The following AK5 variants were observed in gnomAD, a reference collection of about 807,000 sequenced individuals.
AK5 encodes the protein adenylate kinase 5, also known as adenylate kinase isoenzyme 5.
A neutral mutation model predicts 69.5 loss-of-function variants in AK5; 27 were observed. The ratio of observed to expected loss-of-function variants is 0.39; its 90% CI spans 0.29 to 0.54. The LOEUF (loss-of-function observed/expected upper bound fraction) is 0.54, where lower values mean the gene tolerates loss of function less well. Ranked by LOEUF, AK5 falls within the 20% of genes least tolerant of loss-of-function variation. The probability of loss-of-function intolerance (pLI) is 0.71; values close to 1 mark genes in which losing one functional copy is unlikely to be tolerated. For synonymous variants in AK5, 260 were observed against 244.4 expected (o/e 1.06, Z -0.60); for missense variants, 531 against 700.4 (o/e 0.76, Z 2.73).
Position 77,508,837 on chromosome 1 carries a change from A to G in AK5, c.1148-9727A>G, listed in dbSNP as rs77603869. Reference sequence around the variant, plus strand: ...AACCAAGATCATGCCATTGCACTCCAGCCTTGGCGGCAGAGCGAGACTCCA... The same window carrying G: ...AACCAAGATCATGCCATTGCACTCCGGCCTTGGCGGCAGAGCGAGACTCCA... On this transcript the variant is annotated intron_variant, in intron 10 of 13. Coordinates refer to ENST00000354567, the MANE Select transcript of AK5 (RefSeq NM_174858.3). Among the ~76,000 whole-genome samples the G allele has an allele frequency of 3.9e-3, 594 of 150,482 alleles. 16 individuals are homozygous for G. The highest frequency in any genetic ancestry group is 0.027 in the East Asian group (136 of 5,058).
intron 10 of AK5, 90 bp from the exon 11 acceptor site, chr1:77,518,474 G>T (rs1319245460): frequency 2.2e-6 from 3 of 1,378,808 alleles, no homozygotes; most frequent in Non-Finnish European, 3.0e-6. Context: ...TTAGTGACTG[G>T]AACACTGAGG....
chr1:77,307,346 T>C (rs1279877339), intron 5 of AK5, among the ~76,000 whole-genome samples: 1 of 151,364 alleles, frequency 6.6e-6, no homozygotes, highest in East Asian at 1.9e-4. Flanking sequence ...CTTAATTTCT[T>C]GATTGACCCA....
At chr1:77,434,118 A>C (rs1378325510) in intron 8 of AK5, among the ~76,000 whole-genome samples, 1 of 108,012 alleles carries the variant, frequency 9.3e-6, no homozygotes. Context: ...ATAAATAAAT[A>C]AATAAATAAA....
At chr1:77,283,134 G>C (rs998887197) in intron 1 of AK5, 10 of 985,030 alleles carry the variant, frequency 1.0e-5, no homozygotes, top group Non-Finnish European at 1.2e-5. Flanking sequence ...ACCCGGGAAT[G>C]GGGGGACACT....
chr1:77,453,414 ATTTG>A (rs1290146679), intron 8 of AK5, among the ~76,000 whole-genome samples: 3 of 152,166 alleles, frequency 2.0e-5, no homozygotes, highest in African/African-American at 7.2e-5. Context: ...CTGCAACTTA[ATTTG>A]TTTGTTCAAT....
chr1:77,484,337 TAA>T lies in AK5; in HGVS notation c.1102+979_1102+980del, dbSNP rs555720809. On this transcript the variant is annotated intron_variant, in intron 9 of 13. Coordinates refer to ENST00000354567, the MANE Select transcript of AK5 (RefSeq NM_174858.3). The stretch of plus-strand genomic sequence containing the variant: ...CTACCCTGTAATAAAAGTTATAATA[TAA>T]GTCATGGAAATATGTTTATAGTATT... Among the ~76,000 whole-genome samples, 429 of 152,280 alleles carry T rather than the reference TAA, an allele frequency of 2.8e-3. 2 individuals are homozygous for T. The highest frequency in any genetic ancestry group is 0.01 in the African/African-American group (417 of 41,562).
chr1:77,463,844 T>G (rs1235185154), intron 8 of AK5, among the ~76,000 whole-genome samples: 2 of 152,182 alleles, frequency 1.3e-5, no homozygotes, highest in Admixed American at 1.3e-4. Context: ...GGATGCTCAT[T>G]GTCCAAGCTT....
At chr1:77,439,075 A>G (rs1199244724) in intron 8 of AK5, among the ~76,000 whole-genome samples, 1 of 152,174 alleles carries the variant, frequency 6.6e-6, no homozygotes, top group Non-Finnish European at 1.5e-5. Context: ...AGGGGCTGAT[A>G]ATCTATCTAA....
intron 12 of AK5, among the ~76,000 whole-genome samples, chr1:77,533,248 G>A (rs1400912521): frequency 2.6e-5 from 4 of 152,066 alleles, no homozygotes; most frequent in Non-Finnish European, 5.9e-5. Context: ...GGGTGCGGTG[G>A]CTCACACCTG....
In AK5 at chr1:77,364,443, C is replaced by T. The variant is rs189409994; in HGVS notation, c.891+23875C>T. On this transcript the variant is annotated intron_variant, in intron 6 of 13. Transcript: ENST00000354567. Reference sequence around the variant, plus strand: ...TATGCTATTGTTAACTATAGTCATCCTATAGTAGTATGTAACTCTAGAACT... The same window carrying T: ...TATGCTATTGTTAACTATAGTCATCTTATAGTAGTATGTAACTCTAGAACT... Among the ~76,000 whole-genome samples, 238 of 152,230 alleles carry T rather than the reference C, an allele frequency of 1.6e-3. 1 individual carries two copies. Among genetic ancestry groups the T allele is most frequent in the African/African-American group, 5.5e-3 (228 of 41,546 alleles).
intron 6 of AK5, among the ~76,000 whole-genome samples, chr1:77,356,083 T>C (rs1662504541): frequency 6.6e-6 from 1 of 152,196 alleles, no homozygotes; most frequent in South Asian, 2.1e-4. Flanking sequence ...CATGCTTTGT[T>C]TTCATTTTAA....
chr1:77,355,684 C>T (rs1159188345), intron 6 of AK5, among the ~76,000 whole-genome samples: 1 of 152,024 alleles, frequency 6.6e-6, no homozygotes, highest in Admixed American at 6.6e-5. Context: ...ATGATTCTAC[C>T]ATCTTTCTAC....
At chr1:77,345,259 C>T (rs959769164) in intron 6 of AK5, among the ~76,000 whole-genome samples, 4 of 152,150 alleles carry the variant, frequency 2.6e-5, no homozygotes, top group Non-Finnish European at 5.9e-5. Context: ...CAGAGGTAAG[C>T]TGTGGTCACA....
intron 6 of AK5, among the ~76,000 whole-genome samples, chr1:77,364,332 T>G (rs1646914566): frequency 6.6e-6 from 1 of 152,184 alleles, no homozygotes; most frequent in African/African-American, 2.4e-5. Flanking sequence ...TCAGGGTAAT[T>G]GGGTTTTCTG....
intron 8 of AK5, among the ~76,000 whole-genome samples, chr1:77,438,472 G>C (rs563008541): frequency 6.6e-6 from 1 of 152,166 alleles, no homozygotes; most frequent in East Asian, 1.9e-4. Flanking sequence ...AATCTCTTGA[G>C]AGAAAAGAAA....
intron 6 of AK5, among the ~76,000 whole-genome samples, chr1:77,368,232 T>TA (rs1447202827): frequency 1.1e-4 from 3 of 26,914 alleles, no homozygotes; most frequent in African/African-American, 2.7e-4. Context: ...TATATATATA[T>TA]ATATATATAT....
intron 13 of AK5, among the ~76,000 whole-genome samples, chr1:77,542,780 T>G (rs1378038111): frequency 6.6e-6 from 1 of 151,768 alleles, no homozygotes; most frequent in Non-Finnish European, 1.5e-5. Context: ...TTCCGTACAT[T>G]TTGGTTTTTT....
chr1:77,393,543 T>G (rs144677968), intron 6 of AK5, among the ~76,000 whole-genome samples: 7 of 152,324 alleles, frequency 4.6e-5, no homozygotes, highest in African/African-American at 1.7e-4. Flanking sequence ...GTAAGTCATT[T>G]TGGACTTAAA....
intron 2 of AK5, among the ~76,000 whole-genome samples, chr1:77,293,165 C>T (rs2100653238): frequency 6.6e-6 from 1 of 152,216 alleles, no homozygotes; most frequent in East Asian, 1.9e-4. Context: ...GAATTGTTTG[C>T]ACCCTCCTAC....
Sources: allele counts gnomAD v4.1 joint callset (sites outside exome capture counted in the v4.1 genomes callset), GRCh38; gene constraint gnomAD v4.1.1; transcripts MANE v1.5; gene names NCBI Gene and HGNC (gene_info 2026-07-23, HGNC 2026-07-21).